CDH23: variants seen among roughly 807,000 people sequenced by gnomAD.
The protein encoded by CDH23 is cadherin related 23.
A neutral mutation model predicts 317.1 loss-of-function variants in CDH23; 189 were observed. The observed-to-expected ratio is 0.60, with a 90% CI of 0.53 to 0.67. The LOEUF (loss-of-function observed/expected upper bound fraction) is 0.67. Among genes scored for constraint, CDH23 ranks in the 30% least tolerant of loss-of-function variants. The pLI, the probability that CDH23 is intolerant of heterozygous loss-of-function variation, is 0.00. For synonymous variants in CDH23, 1,839 were observed against 1,876.8 expected, an observed-to-expected ratio of 0.98 and a Z score of 0.52; for missense variants, 4,401 against 4,592.4, an observed-to-expected ratio of 0.96 and a Z score of 1.20.
chr10:71,549,924 C>A (rs1164468373), intron 6 of CDH23, among the ~76,000 whole-genome samples: 1 of 152,146 alleles, frequency 6.6e-6, no homozygotes, highest in African/African-American at 2.4e-5. Flanking sequence ...TCCCACAGAC[C>A]TTGAAGCACA....
At chr10:71,404,235 G>T (rs998034802) in intron 1 of CDH23, among the ~76,000 whole-genome samples, 4 of 152,194 alleles carry the variant, frequency 2.6e-5, no homozygotes, top group Non-Finnish European at 5.9e-5. Flanking sequence ...AACATCTCCA[G>T]TGCCTTGGCA....
At chr10:71,679,237 C>A in intron 16 of CDH23, 150 bp from the exon 17 acceptor site, 1 of 635,788 alleles carries the variant, frequency 1.6e-6, no homozygotes, top group Non-Finnish European at 2.8e-6. Flanking sequence ...TGCCTCCTGG[C>A]GTCCTGGGCC....
Position 71,481,112 on chromosome 10 carries a change from C to T in CDH23, c.146-28970C>T, listed in dbSNP as rs145945701. The stretch of plus-strand genomic sequence containing the variant: ...GAGATCCCTGGGGAGCCCCATTTCC[C>T]GTTGCCCAGCTGTGGCCTGGGTGGC... On this transcript the variant is annotated intron_variant, in intron 3 of 69. Coordinates refer to ENST00000224721, the MANE Select transcript of CDH23 (RefSeq NM_022124.6). 1.9e-3 allele frequency among the ~76,000 whole-genome samples: 292 copies of T among 152,220 alleles called. 3 individuals carry two copies. The highest frequency in any genetic ancestry group is 6.8e-3 in the African/African-American group (284 of 41,538).
Position 71,751,380 on chromosome 10 carries a change from G to A in CDH23, c.4845+9459G>A. ...TGAGGCCGTGGAACTCTTCAGGGAG[G>A]TGAATGGGGGCCCCTCTGTCCCTCA... On this transcript the variant is annotated intron_variant, in intron 38 of 69. Coordinates refer to ENST00000224721, the MANE Select transcript of CDH23 (RefSeq NM_022124.6). The surrounding 1 kb of genome is among the most constrained non-coding windows in gnomAD (Gnocchi z 4.9). 5.7e-6 allele frequency: 5 copies of A among 875,902 alleles called. No homozygotes were observed. The highest frequency in any genetic ancestry group is 8.7e-6 in the Non-Finnish European group (5 of 575,998). 54.3% of individuals were successfully genotyped at this position (875,902 alleles called of 1,614,324 possible).
chr10:71,421,517 A>G (rs1011929081), intron 1 of CDH23, among the ~76,000 whole-genome samples: 21 of 152,102 alleles, frequency 1.4e-4, no homozygotes, highest in African/African-American at 5.1e-4. Flanking sequence ...ACAGCCCTTC[A>G]TCATGGAATC....
chr10:71,617,902 G>A (rs1861277482), intron 11 of CDH23, among the ~76,000 whole-genome samples: 1 of 151,872 alleles, frequency 6.6e-6, no homozygotes, highest in Admixed American at 6.6e-5. Flanking sequence ...TGAGGCAGGA[G>A]AATTGCTTGA....
intron 9 of CDH23, among the ~76,000 whole-genome samples, chr10:71,597,045 C>A (rs1017606664): frequency 1.3e-5 from 2 of 152,224 alleles, no homozygotes; most frequent in Non-Finnish European, 2.9e-5. Context: ...TCGCCTCTGT[C>A]CTGGGAACTC....
intron 41 of CDH23, among the ~76,000 whole-genome samples, chr10:71,784,027 G>A (rs1841028779): frequency 6.6e-6 from 1 of 152,198 alleles, no homozygotes; most frequent in Non-Finnish European, 1.5e-5. Context: ...AGGGAAGGAA[G>A]CTGCTTGGTC....
intron 6 of CDH23, among the ~76,000 whole-genome samples, chr10:71,537,571 G>A (rs901215308): frequency 6.6e-6 from 1 of 152,232 alleles, no homozygotes; most frequent in Non-Finnish European, 1.5e-5. Flanking sequence ...AATATAAAGA[G>A]CCTTTCTCAT....
intron 6 of CDH23, among the ~76,000 whole-genome samples, chr10:71,523,263 C>G (rs1854804644): frequency 6.6e-6 from 1 of 152,186 alleles, no homozygotes; most frequent in African/African-American, 2.4e-5. Context: ...TTAAGGGCTC[C>G]TTAGCGGCTA....
chr10:71,502,664 A>G (rs1326048741), intron 3 of CDH23, among the ~76,000 whole-genome samples: 3 of 152,202 alleles, frequency 2.0e-5, no homozygotes, highest in Non-Finnish European at 4.4e-5. Context: ...GTGCATGGCC[A>G]GGGAGGTTGA....
chr10:71,472,010 T>A (rs1008380327), intron 3 of CDH23, among the ~76,000 whole-genome samples: 5 of 152,234 alleles, frequency 3.3e-5, no homozygotes, highest in Non-Finnish European at 5.9e-5. Context: ...GTGCCTGGAA[T>A]GGATCTGGTG....
intron 55 of CDH23, 57 bp from the exon 56 acceptor site, chr10:71,805,749 C>T: frequency 2.0e-6 from 3 of 1,523,086 alleles, no homozygotes; most frequent in Non-Finnish European, 2.7e-6. Context: ...CCCTCAGGAC[C>T]TAGGAGCTGA....
chr10:71,450,775 C>G (rs1850401422), intron 3 of CDH23, among the ~76,000 whole-genome samples: 1 of 152,146 alleles, frequency 6.6e-6, no homozygotes, highest in African/African-American at 2.4e-5. Context: ...GGGCTCAGCT[C>G]TTGTCTCTCC....
At chr10:71,537,999 C>T (rs1204623791) in intron 6 of CDH23, among the ~76,000 whole-genome samples, 5 of 152,196 alleles carry the variant, frequency 3.3e-5, no homozygotes, top group African/African-American at 4.8e-5. Context: ...CTGTCGGTTT[C>T]CCTCTAAGCC....
At chr10:71,688,634 G>T (rs201615937) in intron 19 of CDH23, among the ~76,000 whole-genome samples, 10 of 143,628 alleles carry the variant, frequency 7.0e-5, no homozygotes, top group Admixed American at 2.7e-4. Context: ...AGCCAGGGGT[G>T]GTGGAGTCAG....
At chr10:71,446,505 T>A in intron 3 of CDH23, 110 bp downstream of exon 3, 1 of 1,135,806 alleles carries the variant, frequency 8.8e-7, no homozygotes, top group Non-Finnish European at 1.3e-6. Context: ...GATTTTGGAA[T>A]CTTTTCCATT....
At position 71,798,379 on chromosome 10, in the gene CDH23, C is replaced by T. The variant is rs750385396; in HGVS notation, c.6855C>T (p.Asp2285=). ...CCAAGCTGACTGTCAACGTCCTGGA[C>T]GTCAATGACAATACGCCCCAGTTCA... ...PNAKLTVNVL[D]VNDNTPQFKP... is the part of the protein sequence containing the mutation. The change falls in exon 50 of 70, where the codon GAC becomes GAT. Residue 2285 remains aspartate, a synonymous_variant. Transcript: ENST00000224721. 67 of 1,613,710 alleles carry T rather than the reference C, an allele frequency of 4.2e-5. No individual in the cohort carries two copies. Among genetic ancestry groups the T allele is most frequent in the South Asian group, 2.5e-4 (23 of 91,092 alleles).
intron 9 of CDH23, among the ~76,000 whole-genome samples, chr10:71,599,794 G>A (rs866623025): frequency 1.1e-4 from 16 of 152,248 alleles, no homozygotes; most frequent in South Asian, 8.3e-4. Context: ...CTAACGTGCT[G>A]TGTGTTGTTG....
Sources: gnomAD v4.1 joint callset for allele counts (sites outside exome capture counted in the v4.1 genomes callset) on GRCh38, gnomAD v4.1.1 for gene constraint, Gnocchi (gnomAD v3.1) non-coding constraint, MANE v1.5 for transcripts, NCBI Gene and HGNC (gene_info 2026-07-23, HGNC 2026-07-21) for gene names.